TAF5L: variants seen among roughly 807,000 people sequenced by gnomAD.
TAF5L encodes the protein TAF5-like RNA polymerase II p300/CBP-associated factor-associated factor 65 kDa subunit 5L.
In TAF5L, 7 loss-of-function variants were observed where a neutral mutation model predicts 51.3. That is an observed-to-expected ratio of 0.14 (90% confidence interval 0.08 to 0.26). The LOEUF (loss-of-function observed/expected upper bound fraction) is 0.26, where lower values mean the gene tolerates loss of function less well. Among genes scored for constraint, TAF5L ranks in the 10% least tolerant of loss-of-function variants. The probability of loss-of-function intolerance (pLI) is 1.00; values close to 1 mark genes in which losing one functional copy is unlikely to be tolerated. For synonymous variants in TAF5L, 291 were observed against 308.1 expected (o/e 0.94, Z 0.58); for missense variants, 575 against 758.9 (o/e 0.76, Z 2.85).
At chr1:229,613,980 G>C (rs1664879467) in intron 2 of TAF5L, among the ~76,000 whole-genome samples, 1 of 152,218 alleles carries the variant, frequency 6.6e-6, no homozygotes, top group African/African-American at 2.4e-5. Context: ...GAGGGGACCT[G>C]TGCAAGAAGG....
At chr1:229,598,382 A>T (rs936961914) in intron 4 of TAF5L, among the ~76,000 whole-genome samples, 1 of 152,252 alleles carries the variant, frequency 6.6e-6, no homozygotes, top group African/African-American at 2.4e-5. Context: ...GATAGCATTA[A>T]TCTAAATGAC....
intron 1 of TAF5L, among the ~76,000 whole-genome samples, chr1:229,618,530 A>G (rs1439057223): frequency 2.0e-5 from 3 of 152,222 alleles, no homozygotes; most frequent in African/African-American, 7.2e-5. Context: ...TCATGTATCA[A>G]CAGTTGCCAG....
chr1:229,593,493 T>TC (rs1159942578), exon 5 of TAF5L: 1 of 152,120 alleles, frequency 6.6e-6, no homozygotes, highest in Non-Finnish European at 1.5e-5. Context: ...AATTTTTCTT[T>TC]CCCACCATCA....
At chr1:229,600,622 C>G in intron 4 of TAF5L, 1 of 985,448 alleles carries the variant, frequency 1.0e-6, no homozygotes, top group Non-Finnish European at 1.2e-6. Flanking sequence ...AGTGTCACTA[C>G]ATCACTTCCT....
At chr1:229,620,635 T>C (rs1000349076) in intron 1 of TAF5L, among the ~76,000 whole-genome samples, 3 of 152,154 alleles carry the variant, frequency 2.0e-5, no homozygotes, top group African/African-American at 7.2e-5. Flanking sequence ...TTCTTGAGAG[T>C]TTATTTTAAG....
chr1:229,593,164 CTT>C (rs1486581815), exon 5 of TAF5L: 1 of 152,126 alleles, frequency 6.6e-6, no homozygotes, highest in African/African-American at 2.4e-5. Context: ...CAAAATAACT[CTT>C]TTCAGAAAAC....
At chr1:229,597,063 A>G (rs535540559) in intron 4 of TAF5L, among the ~76,000 whole-genome samples, 5 of 152,356 alleles carry the variant, frequency 3.3e-5, no homozygotes, top group African/African-American at 9.6e-5. Context: ...GCTACCAAGA[A>G]TATTAGTAAT....
chr1:229,608,523 T>C (rs2102754545), intron 3 of TAF5L, among the ~76,000 whole-genome samples: 1 of 152,378 alleles, frequency 6.6e-6, no homozygotes, highest in African/African-American at 2.4e-5. Flanking sequence ...GTTTCTTTCA[T>C]TGAGAGGTAA....
exon 5 of TAF5L, chr1:229,593,534 C>T (rs1663996836): frequency 6.6e-6 from 1 of 152,072 alleles, no homozygotes; most frequent in Non-Finnish European, 1.5e-5. Context: ...CTCAATCAAA[C>T]CCACCCACCC....
intron 1 of TAF5L, among the ~76,000 whole-genome samples, chr1:229,620,636 T>G (rs1436955955): frequency 6.6e-6 from 1 of 152,198 alleles, no homozygotes; most frequent in Non-Finnish European, 1.5e-5. Flanking sequence ...TCTTGAGAGT[T>G]TATTTTAAGC....
intron 2 of TAF5L, among the ~76,000 whole-genome samples, chr1:229,612,106 T>C (rs1437701705): frequency 6.6e-6 from 1 of 152,248 alleles, no homozygotes; most frequent in African/African-American, 2.4e-5. Flanking sequence ...TCTAGAACTT[T>C]TCAGCACTTG....
chr1:229,614,219 G>C (rs1234731173), intron 2 of TAF5L, 122 bp downstream of exon 2: 1 of 1,538,508 alleles, frequency 6.5e-7, no homozygotes, highest in Non-Finnish European at 9.0e-7. Context: ...AGCTCACTGA[G>C]GTTTTTGGTC....
Position 229,602,696 on chromosome 1 carries a change from T to A in TAF5L, c.471A>T (p.Ala157=). Reference sequence around the variant, plus strand: ...GGACCACGTACTTGTTATCTAGGAATGCTCGAAGCTTGAAGTTAGATAGGA... The same window carrying A: ...GGACCACGTACTTGTTATCTAGGAAAGCTCGAAGCTTGAAGTTAGATAGGA... Residue 157 remains alanine (A), a synonymous_variant, in exon 4 of 5, where the codon GCA becomes GCT. Transcript: ENST00000258281. The surrounding 1 kb of genome is among the most constrained non-coding windows in gnomAD (Gnocchi z 4.6). The A allele has an allele frequency of 6.2e-7, 1 of 1,614,180 alleles. No individual in the cohort carries two copies. The highest frequency in any genetic ancestry group is 8.5e-7 in the Non-Finnish European group (1 of 1,180,024).
chr1:229,596,893 A>T (rs1316636002), intron 4 of TAF5L, among the ~76,000 whole-genome samples: 2 of 152,176 alleles, frequency 1.3e-5, no homozygotes, highest in African/African-American at 4.8e-5. Context: ...ACTTGAAAAT[A>T]GTTAAATTCA....
chr1:229,599,273 C>T (rs1011983022), intron 4 of TAF5L: 2 of 755,362 alleles, frequency 2.6e-6, no homozygotes, highest in African/African-American at 2.3e-5. Flanking sequence ...TACTGTTATC[C>T]TGTTTTTTTT....
At chr1:229,607,296 CCTCATTT>C (rs1664631440) in intron 3 of TAF5L, 1 of 985,278 alleles carries the variant, frequency 1.0e-6, no homozygotes, top group Non-Finnish European at 1.2e-6. Flanking sequence ...TCCTTTCTCA[CCTCATTT>C]CTCAAGATTG....
chr1:229,600,914 A>AT (rs921556906), intron 4 of TAF5L: 37 of 981,410 alleles, frequency 3.8e-5, no homozygotes, highest in East Asian at 3.4e-4. Context: ...GGTCAGTGTA[A>AT]TTTTTTTTTG....
intron 3 of TAF5L, among the ~76,000 whole-genome samples, chr1:229,609,809 T>TA (rs34640220): frequency 0.53 from 81,108 of 151,984 alleles, 21,898 homozygotes; most frequent in East Asian, 0.77. Flanking sequence ...AAACAGTGAA[T>TA]AAACACCCAG....
Position 229,594,371 on chromosome 1 carries a change from C to G in TAF5L, c.1696G>C (p.Val566Leu). Residue 566 changes from valine to leucine, a missense_variant, in exon 5 of 5, where the codon GTC (valine) becomes CTC (leucine). This residue lies in a region of TAF5L where 91 missense variants were observed against 96.9 expected (regional missense o/e 0.94). Coordinates refer to ENST00000258281, the Ensembl canonical transcript of TAF5L. This position sits in a 1 kb window ranked among gnomAD's most constrained non-coding sequence, Gnocchi z 7.9. Reference sequence around the variant, plus strand: ...CAGGCCATGAACTGCACGCTCAGGACGTTGCTCATCTGCCCGGTGTACACG... The same window carrying G: ...CAGGCCATGAACTGCACGCTCAGGAGGTTGCTCATCTGCCCGGTGTACACG... 6.2e-7 allele frequency: 1 copy of G among 1,614,146 alleles called. No individual in the cohort carries two copies.
Sources: gnomAD v4.1 joint callset for allele counts (sites outside exome capture counted in the v4.1 genomes callset) on GRCh38, gnomAD v4.1.1 for gene constraint, gnomAD v4.1.1 regional missense constraint, Gnocchi (gnomAD v3.1) non-coding constraint, MANE v1.5 for transcripts, NCBI Gene and HGNC (gene_info 2026-07-23, HGNC 2026-07-21) for gene names.